BNC2: variants seen among roughly 807,000 people sequenced by gnomAD.
BNC2 encodes the protein basonuclin zinc finger protein 2.
In BNC2, 20 loss-of-function variants were observed where a neutral mutation model predicts 76.3. That is an observed-to-expected ratio of 0.26 (90% CI 0.18 to 0.38). The LOEUF is 0.38. Ranked by LOEUF, BNC2 falls within the 10% of genes least tolerant of loss-of-function variation. BNC2 has a pLI of 1.00. For synonymous variants in BNC2, 582 were observed against 514.8 expected (o/e 1.13, Z -1.77); for missense variants, 1,382 against 1,399.8 (o/e 0.99, Z 0.20).
intron 1 of BNC2, among the ~76,000 whole-genome samples, chr9:16,765,571 C>G (rs189826670): frequency 1.3e-3 from 200 of 152,198 alleles, no homozygotes; most frequent in African/African-American, 4.7e-3. Flanking sequence ...TAATGAAATG[C>G]ACAGAGTCAC....
At position 16,870,662 on chromosome 9, in the gene BNC2, T is replaced by C. The variant is rs756685137; in HGVS notation, c.-14A>G. 6.2e-6 allele frequency: 10 copies of C among 1,610,494 alleles called. No homozygotes were observed. Among genetic ancestry groups the C allele is most frequent in the Middle Eastern group, 1.7e-4 (1 of 6,006 alleles). ...ACTTCTTACCATCTCGGCATGCTGG[T>C]TGTCAAGTGCAGCCCCCGCCTCTTG... On this transcript the variant is annotated 5_prime_UTR_variant, in exon 1 of 7. Transcript: ENST00000380672.
intron 1 of BNC2, among the ~76,000 whole-genome samples, chr9:16,789,241 A>G (rs2135635606): frequency 6.6e-6 from 1 of 152,172 alleles, no homozygotes; most frequent in African/African-American, 2.4e-5. Flanking sequence ...TTAGTCACTC[A>G]GGAGCACTGG....
chr9:16,673,835 TC>T (rs1822557550), intron 3 of BNC2, among the ~76,000 whole-genome samples: 1 of 151,984 alleles, frequency 6.6e-6, no homozygotes, highest in Non-Finnish European at 1.5e-5. Context: ...TGAGACGGGT[TC>T]ATGTTTAGTC....
chr9:16,769,662 T>A (rs1825783807), intron 1 of BNC2, among the ~76,000 whole-genome samples: 1 of 152,174 alleles, frequency 6.6e-6, no homozygotes, highest in South Asian at 2.1e-4. Context: ...TCACACCGCT[T>A]CCTCATCTAC....
chr9:16,542,669 G>C (rs1328392871), intron 5 of BNC2, among the ~76,000 whole-genome samples: 2 of 152,206 alleles, frequency 1.3e-5, no homozygotes, highest in African/African-American at 4.8e-5. Context: ...AGATCATCAG[G>C]CCTAGATGTG....
chr9:16,648,882 G>A (rs1458796306), intron 3 of BNC2, among the ~76,000 whole-genome samples: 3 of 152,130 alleles, frequency 2.0e-5, no homozygotes, highest in Non-Finnish European at 2.9e-5. Context: ...TGCACATAAG[G>A]GCAGTGAACA....
intron 3 of BNC2, among the ~76,000 whole-genome samples, chr9:16,725,657 A>G (rs1157058157): frequency 6.6e-6 from 1 of 152,220 alleles, no homozygotes; most frequent in Non-Finnish European, 1.5e-5. Flanking sequence ...TATTCTCTCC[A>G]TATAATCACT....
chr9:16,554,968 A>G (rs1016754765), intron 4 of BNC2, among the ~76,000 whole-genome samples: 2 of 152,154 alleles, frequency 1.3e-5, no homozygotes, highest in Non-Finnish European at 2.9e-5. Flanking sequence ...ATTGTAGGTG[A>G]AAAAAACCAC....
intron 1 of BNC2, among the ~76,000 whole-genome samples, chr9:16,787,720 C>A (rs1408876243): frequency 6.6e-6 from 1 of 152,128 alleles, no homozygotes; most frequent in Non-Finnish European, 1.5e-5. Context: ...ATAATATTTT[C>A]TTTCTTCTTT....
At chr9:16,820,346 A>C (rs761122498) in intron 1 of BNC2, among the ~76,000 whole-genome samples, 1 of 151,250 alleles carries the variant, frequency 6.6e-6, no homozygotes, top group Non-Finnish European at 1.5e-5. Flanking sequence ...GAATCTCTTG[A>C]ACCAAGGAGG....
intron 3 of BNC2, among the ~76,000 whole-genome samples, chr9:16,675,831 T>C (rs1199323832): frequency 6.6e-6 from 1 of 152,164 alleles, no homozygotes; most frequent in Non-Finnish European, 1.5e-5. Context: ...GATCGATCAC[T>C]TGAGGTCAGG....
intron 1 of BNC2, among the ~76,000 whole-genome samples, chr9:16,773,715 G>A (rs185821070): frequency 8.3e-4 from 126 of 152,212 alleles, no homozygotes; most frequent in African/African-American, 2.8e-3. Context: ...GAAACTTTCC[G>A]TTCATCTTAC....
At chr9:16,711,059 A>G (rs1488657540) in intron 3 of BNC2, among the ~76,000 whole-genome samples, 1 of 152,004 alleles carries the variant, frequency 6.6e-6, no homozygotes, top group Non-Finnish European at 1.5e-5. Context: ...GAGCAGATGA[A>G]TTAGTGCTAC....
chr9:16,496,180 A>T (rs1042239566), intron 5 of BNC2, among the ~76,000 whole-genome samples: 40 of 152,084 alleles, frequency 2.6e-4, no homozygotes, highest in African/African-American at 9.4e-4. Flanking sequence ...AAGTGCTGGG[A>T]TTACAAGCGT....
intron 3 of BNC2, among the ~76,000 whole-genome samples, chr9:16,662,550 A>G (rs1587287348): frequency 6.6e-6 from 1 of 152,156 alleles, no homozygotes; most frequent in South Asian, 2.1e-4. Flanking sequence ...AGCCTGGCCA[A>G]TATGGTGAAA....
intron 3 of BNC2, among the ~76,000 whole-genome samples, chr9:16,648,274 C>A (rs893426663): frequency 6.6e-6 from 1 of 152,218 alleles, no homozygotes; most frequent in Admixed American, 6.5e-5. Flanking sequence ...CTGCCATACA[C>A]TTGGCTGTTT....
At chr9:16,630,037 A>G (rs961612081) in intron 3 of BNC2, among the ~76,000 whole-genome samples, 2 of 152,238 alleles carry the variant, frequency 1.3e-5, no homozygotes, top group South Asian at 2.1e-4. Context: ...ATTGGAGTCA[A>G]TTCTTTCAAA....
intron 5 of BNC2, among the ~76,000 whole-genome samples, chr9:16,537,463 T>A (rs1357175703): frequency 6.6e-6 from 1 of 152,172 alleles, no homozygotes; most frequent in South Asian, 2.1e-4. Flanking sequence ...TCAATAGTTA[T>A]GTAATATTTA....
intron 5 of BNC2, among the ~76,000 whole-genome samples, chr9:16,528,589 T>C (rs1182280185): frequency 1.3e-5 from 2 of 152,186 alleles, no homozygotes; most frequent in Non-Finnish European, 2.9e-5. Context: ...TTACCCAAAA[T>C]ACAATAGTTT....
Sources: allele counts gnomAD v4.1 joint callset (sites outside exome capture counted in the v4.1 genomes callset), GRCh38; gene constraint gnomAD v4.1.1; transcripts MANE v1.5; gene names NCBI Gene and HGNC (gene_info 2026-07-23, HGNC 2026-07-21).